The following PAX3 variants were observed in gnomAD, a reference collection of about 807,000 sequenced individuals.
PAX3 encodes the protein paired box protein Pax-3.
A neutral mutation model predicts 51.6 loss-of-function variants in PAX3; 14 were observed. The ratio of observed to expected loss-of-function variants is 0.27; its 90% CI spans 0.18 to 0.42. The LOEUF (loss-of-function observed/expected upper bound fraction) is 0.42. Ranked by LOEUF, PAX3 falls within the 10% of genes least tolerant of loss-of-function variation. PAX3 has a pLI of 1.00. For missense variants in PAX3, 540 were observed against 642.8 expected (o/e 0.84, Z 1.73); for synonymous variants, 280 against 253.4 (o/e 1.11, Z -1.00).
intron 4 of PAX3, among the ~76,000 whole-genome samples, chr2:222,279,895 T>A (rs1694574431): frequency 6.6e-6 from 1 of 152,114 alleles, no homozygotes; most frequent in African/African-American, 2.4e-5. Flanking sequence ...CTGACCAAGG[T>A]ATATACTGGC....
At chr2:222,277,732 G>A (rs1297619819) in intron 4 of PAX3, among the ~76,000 whole-genome samples, 12 of 152,124 alleles carry the variant, frequency 7.9e-5, no homozygotes, top group African/African-American at 1.4e-4. Context: ...TCAAGAGACC[G>A]AGACCAGCCT....
chr2:222,293,979 A>C (rs1447079583), intron 4 of PAX3, 188 bp downstream of exon 4: 17 of 1,526,186 alleles, frequency 1.1e-5, no homozygotes, highest in Non-Finnish European at 8.8e-7. Context: ...GCAGAATAGA[A>C]ATGTTTGTTT....
chr2:222,253,536 T>C (rs904313920), intron 4 of PAX3, among the ~76,000 whole-genome samples: 11 of 151,836 alleles, frequency 7.2e-5, no homozygotes, highest in South Asian at 2.1e-4. Context: ...GTCCAGAGAA[T>C]AGGACACAAC....
At chr2:222,266,224 A>G (rs1374494446) in intron 4 of PAX3, among the ~76,000 whole-genome samples, 3 of 152,302 alleles carry the variant, frequency 2.0e-5, no homozygotes, top group Middle Eastern at 3.4e-3. Flanking sequence ...ACAAACCCTC[A>G]GCACACTCAG....
chr2:222,290,069 T>C (rs2106189169), intron 4 of PAX3, among the ~76,000 whole-genome samples: 1 of 152,234 alleles, frequency 6.6e-6, no homozygotes, highest in South Asian at 2.1e-4. Flanking sequence ...CCTCCCAACC[T>C]TGGACCAAAA....
chr2:222,296,890 C>T (rs1695326833), intron 2 of PAX3, 88 bp downstream of exon 2: 1 of 1,081,916 alleles, frequency 9.2e-7, no homozygotes, highest in Admixed American at 2.0e-5. Context: ...TGGAGAGCCC[C>T]AGATGTCAGC....
At chr2:222,278,669 G>A (rs1040735409) in intron 4 of PAX3, among the ~76,000 whole-genome samples, 1 of 152,178 alleles carries the variant, frequency 6.6e-6, no homozygotes, top group African/African-American at 2.4e-5. Context: ...GGGGAATTGT[G>A]CCCTAGCAGG....
chr2:222,298,325 G>T (rs894146694), intron 1 of PAX3: 1 of 592,098 alleles, frequency 1.7e-6, no homozygotes, highest in African/African-American at 1.9e-5. Flanking sequence ...GCCCAGCTCC[G>T]CCAGGATTTG....
rs1016349670 is a variant in PAX3 at position 222,273,396 on chromosome 2, G to A, written c.586+20771C>T. Among the ~76,000 whole-genome samples the A allele has an allele frequency of 2.6e-5, 4 of 152,122 alleles. No individual in the cohort carries two copies. The East Asian group carries it at 5.8e-4, about 22-fold the overall frequency. On this transcript the variant is annotated intron_variant, in intron 4 of 8. Coordinates refer to ENST00000392070, the MANE Select transcript of PAX3 (RefSeq NM_181458.4). ...AGAAGGTTCTTTGCTCTATTAACACGAGGAAACATAAGTTCATTGGTACCT... is the reference window on the plus strand; with the variant it reads ...AGAAGGTTCTTTGCTCTATTAACACAAGGAAACATAAGTTCATTGGTACCT...
At chr2:222,210,521 AAG>A (rs1214181553) in intron 7 of PAX3, among the ~76,000 whole-genome samples, 1 of 152,172 alleles carries the variant, frequency 6.6e-6, no homozygotes, top group African/African-American at 2.4e-5. Context: ...AGAATACAAA[AAG>A]AAAAACAACA....
chr2:222,210,057 A>G (rs769508414), intron 7 of PAX3, among the ~76,000 whole-genome samples: 1 of 152,148 alleles, frequency 6.6e-6, no homozygotes, highest in Non-Finnish European at 1.5e-5. Context: ...ACACTGAACC[A>G]ATAAAGATGC....
intron 4 of PAX3, among the ~76,000 whole-genome samples, chr2:222,237,147 G>A (rs991917758): frequency 6.6e-6 from 1 of 152,000 alleles, no homozygotes; most frequent in Non-Finnish European, 1.5e-5. Flanking sequence ...AGCAATCCTA[G>A]GAATTAGATA....
In PAX3 at chr2:222,218,816, T is replaced by TA. The variant is rs571349227; in HGVS notation, c.1173+1323dup. On this transcript the variant is annotated intron_variant, in intron 7 of 8. Transcript: ENST00000392070. Reference sequence around the variant, plus strand: ...TAAAGCCACCTCATAATTTTTTTTTTATCCCAGGATGTGCTATAGGAATCT... The same window carrying TA: ...TAAAGCCACCTCATAATTTTTTTTTTAATCCCAGGATGTGCTATAGGAATCT... Among the ~76,000 whole-genome samples, 11 of 152,364 alleles carry TA rather than the reference T, an allele frequency of 7.2e-5. No individual in the cohort carries two copies. In the South Asian group the frequency reaches 2.1e-3, roughly 29 times the overall value.
intron 7 of PAX3, among the ~76,000 whole-genome samples, chr2:222,204,644 A>G (rs1228691588): frequency 6.6e-6 from 1 of 152,214 alleles, no homozygotes; most frequent in African/African-American, 2.4e-5. Flanking sequence ...ATAAAAGGGA[A>G]TAATCGCACA....
intron 7 of PAX3, among the ~76,000 whole-genome samples, chr2:222,208,328 T>C (rs1691593379): frequency 6.6e-6 from 1 of 151,936 alleles, no homozygotes; most frequent in African/African-American, 2.4e-5. Flanking sequence ...ATGAAAAATA[T>C]AACAAAACAG....
chr2:222,282,590 G>A (rs1200958732), intron 4 of PAX3, among the ~76,000 whole-genome samples: 1 of 152,094 alleles, frequency 6.6e-6, no homozygotes, highest in Non-Finnish European at 1.5e-5. Context: ...TGACCTTGGA[G>A]ACAATTTTTC....
intron 4 of PAX3, among the ~76,000 whole-genome samples, chr2:222,236,133 C>T (rs1170733673): frequency 1.3e-5 from 2 of 152,162 alleles, no homozygotes; most frequent in African/African-American, 4.8e-5. Flanking sequence ...AATCTGCCGG[C>T]TAGGAAAAAC....
chr2:222,291,969 GGTGTGT>G (rs3997675), intron 4 of PAX3, among the ~76,000 whole-genome samples: 12,376 of 133,578 alleles, frequency 0.093, 551 homozygotes, highest in South Asian at 0.13. Context: ...CAGCCTCCAA[GGTGTGT>G]GTGTGTGTGT....
intron 4 of PAX3, among the ~76,000 whole-genome samples, chr2:222,272,332 A>G (rs1363866738): frequency 6.6e-6 from 1 of 152,230 alleles, no homozygotes; most frequent in East Asian, 1.9e-4. Flanking sequence ...AGTAAGTGTT[A>G]TGTCAACTAA....
Sources: gnomAD v4.1 joint callset for allele counts (sites outside exome capture counted in the v4.1 genomes callset) on GRCh38, gnomAD v4.1.1 for gene constraint, MANE v1.5 for transcripts, NCBI Gene and HGNC (gene_info 2026-07-23, HGNC 2026-07-21) for gene names.